The following AHSA1 variants were observed in gnomAD, a reference collection of about 807,000 sequenced individuals.
The protein encoded by AHSA1 is activator of 90 kDa heat shock protein ATPase homolog 1.
Under a neutral mutation model 46.1 loss-of-function variants are expected in AHSA1, and 14 were observed. That is an observed-to-expected ratio of 0.30 (90% confidence interval 0.20 to 0.47). The LOEUF (loss-of-function observed/expected upper bound fraction) is 0.47. Ranked by LOEUF, AHSA1 falls within the 20% of genes least tolerant of loss-of-function variation. The pLI is 0.99. For synonymous variants in AHSA1, 147 were observed against 145.8 expected, an observed-to-expected ratio of 1.01 and a Z score of -0.06; for missense variants, 333 against 415.9, an observed-to-expected ratio of 0.80 and a Z score of 1.73.
intron 2 of AHSA1, 75 bp from the exon 3 acceptor site, chr14:77,462,085 G>A (rs1197004340): frequency 1.8e-6 from 2 of 1,081,886 alleles, no homozygotes; most frequent in Non-Finnish European, 2.8e-6. Context: ...CAGAAGTGAG[G>A]TAGCAGTTAG....
intron 6 of AHSA1, among the ~76,000 whole-genome samples, chr14:77,466,123 C>T (rs1047177405): frequency 2.0e-5 from 3 of 152,164 alleles, no homozygotes; most frequent in Non-Finnish European, 2.9e-5. Context: ...AGGTGCAAAC[C>T]ACTGTGCTCG....
chr14:77,464,301 A>T (rs1006390790), intron 4 of AHSA1, among the ~76,000 whole-genome samples: 36 of 152,094 alleles, frequency 2.4e-4, no homozygotes, highest in Non-Finnish European at 4.7e-4. Flanking sequence ...AGCTTGAACC[A>T]GGGAGTCAGA....
At chr14:77,462,043 T>C (rs939014438) in intron 2 of AHSA1, 117 bp from the exon 3 acceptor site, 2 of 690,078 alleles carry the variant, frequency 2.9e-6, no homozygotes, top group Non-Finnish European at 5.0e-6. Context: ...ATTCTCAGAA[T>C]AAAGAGGATC....
At position 77,458,235 on chromosome 14, in the gene AHSA1, C is replaced by A. The variant is rs1370803021; in HGVS notation, c.46C>A (p.Arg16=). 1 of 1,546,858 alleles carries A rather than the reference C, an allele frequency of 6.5e-7. No individual in the cohort carries two copies. The highest frequency in any genetic ancestry group is 1.4e-5 in the African/African-American group (1 of 72,830). Residue 16 remains arginine, a synonymous_variant, in exon 1 of 9, where the codon CGG becomes AGG. Transcript: ENST00000216479. ...AGACCCACGCTGGATCGTGGAGGAG[C>A]GGGCGGACGCCACCAACGTCAACAA... The part of the protein sequence containing the change: ...EGDPRWIVEE[R]ADATNVNNWH...
intron 6 of AHSA1, 145 bp from the exon 7 acceptor site, chr14:77,467,938 G>C (rs569638464): frequency 1.7e-6 from 1 of 574,050 alleles, no homozygotes; most frequent in African/African-American, 1.9e-5. Flanking sequence ...ACAGAATAGA[G>C]GGACACCCTG....
At chr14:77,467,222 A>C (rs1251579763) in intron 6 of AHSA1, among the ~76,000 whole-genome samples, 1 of 152,078 alleles carries the variant, frequency 6.6e-6, no homozygotes, top group African/African-American at 2.4e-5. Context: ...AACATGGTGA[A>C]GCCCTGTCTC....
chr14:77,460,253 C>T, intron 2 of AHSA1: 1 of 205,942 alleles, frequency 4.9e-6, no homozygotes, highest in Non-Finnish European at 1.0e-5. Context: ...TTTTATCTAT[C>T]TTCTAGTTTT....
At chr14:77,467,891 A>G (rs2079054343) in intron 6 of AHSA1, among the ~76,000 whole-genome samples, 192 bp from the exon 7 acceptor site, 1 of 152,168 alleles carries the variant, frequency 6.6e-6, no homozygotes. Context: ...ATCAGATCAG[A>G]AAGAATTCCC....
intron 6 of AHSA1, 50 bp from the exon 7 acceptor site, chr14:77,468,033 G>A (rs745315054): frequency 3.1e-6 from 4 of 1,281,010 alleles, no homozygotes; most frequent in Non-Finnish European, 4.2e-6. Context: ...CCCACTGAAA[G>A]CCATGTATCT....
At position 77,458,336 on chromosome 14, in the gene AHSA1, G is replaced by C. The variant is rs770498705; in HGVS notation, c.80+67G>C. On this transcript the variant is annotated intron_variant, in intron 1 of 8. Transcript: ENST00000216479. Reference sequence around the variant, plus strand: ...CCGGGCCAGGGTTTCAGGGTTCCTAGAACCTCGGCCCGGACAGAGCTGGGG... The same window carrying C: ...CCGGGCCAGGGTTTCAGGGTTCCTACAACCTCGGCCCGGACAGAGCTGGGG... The C allele has an allele frequency of 8.2e-5, 123 of 1,500,334 alleles. 1 individual carries two copies. Among genetic ancestry groups the C allele is most frequent in the Non-Finnish European group, 1.1e-4 (123 of 1,113,834 alleles). 92.9% of individuals were successfully genotyped at this position (1,500,334 alleles called of 1,614,324 possible). A position where few individuals can be genotyped will look rare whatever the true frequency, so the allele number is the denominator to read the frequency against.
chr14:77,461,003 C>T (rs1288037229), intron 2 of AHSA1, among the ~76,000 whole-genome samples: 1 of 150,068 alleles, frequency 6.7e-6, no homozygotes, highest in Admixed American at 6.7e-5. Context: ...ACTAAAAATA[C>T]AAAAAATTAG....
At position 77,468,192 on chromosome 14, in the gene AHSA1, C is replaced by T. The variant is rs1434848044; in HGVS notation, c.792+8C>T. The stretch of plus-strand genomic sequence containing the variant: ...GGGGAATTTACTGATCTGGTGAGTA[C>T]CTGCCGGCCCTAGACTCAGGTTATT... On this transcript the variant is annotated splice_region_variant and intron_variant, in intron 7 of 8. Transcript: ENST00000216479. 6.5e-7 allele frequency: 1 copy of T among 1,533,760 alleles called. No homozygotes were observed. Among genetic ancestry groups the T allele is most frequent in the South Asian group, 1.2e-5 (1 of 82,602 alleles).
intron 2 of AHSA1, among the ~76,000 whole-genome samples, chr14:77,461,262 G>A (rs1007258786): frequency 2.6e-5 from 4 of 152,112 alleles, no homozygotes; most frequent in African/African-American, 4.8e-5. Context: ...CAGGCGCGGC[G>A]GCTCACGCCT....
chr14:77,462,827 C>G, intron 4 of AHSA1, 68 bp downstream of exon 4: 1 of 1,328,850 alleles, frequency 7.5e-7, no homozygotes, highest in East Asian at 2.3e-5. Flanking sequence ...GGTTAAGGGC[C>G]TGGACAGTCC....
chr14:77,462,813 CT>C, intron 4 of AHSA1, 54 bp downstream of exon 4: 3 of 1,495,404 alleles, frequency 2.0e-6, no homozygotes, highest in Non-Finnish European at 1.9e-6. Flanking sequence ...ACCTGTTAGA[CT>C]CTGGTTAAGG....
chr14:77,458,272 G>A lies in AHSA1; in HGVS notation c.80+3G>A, dbSNP rs975106675. 5.2e-6 allele frequency: 8 copies of A among 1,546,940 alleles called. No individual in the cohort carries two copies. The highest frequency in any genetic ancestry group is 7.0e-6 in the Non-Finnish European group (8 of 1,145,498). Reference sequence around the variant, plus strand: ...ACCAACGTCAACAACTGGCACTGGTGAGGGCCAGAAAAGCAGGCCGGCCTT... The same window carrying A: ...ACCAACGTCAACAACTGGCACTGGTAAGGGCCAGAAAAGCAGGCCGGCCTT... On this transcript the variant is annotated splice_donor_region_variant and intron_variant, in intron 1 of 8. Coordinates refer to ENST00000216479, the MANE Select transcript of AHSA1 (RefSeq NM_012111.3).
intron 2 of AHSA1, 183 bp downstream of exon 2, chr14:77,459,989 G>A: frequency 3.0e-6 from 2 of 663,368 alleles, no homozygotes; most frequent in Middle Eastern, 3.9e-4. Context: ...GATGCTAAAT[G>A]GATTTCCTGT....
chr14:77,465,064 C>T (rs1232574742), intron 5 of AHSA1, among the ~76,000 whole-genome samples: 1 of 152,160 alleles, frequency 6.6e-6, no homozygotes, highest in Non-Finnish European at 1.5e-5. Context: ...GGAGTTACAT[C>T]CCTGTCTTCA....
rs1482737225 is a variant in AHSA1, at chr14:77,462,728, A to G, written c.441A>G (p.Ala147=). 1.9e-6 allele frequency: 3 copies of G among 1,614,048 alleles called. No individual in the cohort carries two copies. The highest frequency in any genetic ancestry group is 2.5e-6 in the Non-Finnish European group (3 of 1,180,020). ...KEEGVKLLRE[A]MGIYISTLKT... ...AAGGGGTGAAACTTCTAAGAGAAGC[A>G]ATGGGAATTTACATCAGCACCCTCA... The change falls in exon 4 of 9, where the codon GCA becomes GCG. Residue 147 remains alanine (A), a synonymous_variant. Coordinates refer to ENST00000216479, the MANE Select transcript of AHSA1 (RefSeq NM_012111.3).
Sources: gnomAD v4.1 joint callset for allele counts (sites outside exome capture counted in the v4.1 genomes callset) on GRCh38, gnomAD v4.1.1 for gene constraint, MANE v1.5 for transcripts, NCBI Gene and HGNC (gene_info 2026-07-23, HGNC 2026-07-21) for gene names.